The following PRR14 variants were observed in gnomAD, a reference collection of about 807,000 sequenced individuals.
PRR14 encodes proline-rich protein 14.
PRR14 carries 33 observed loss-of-function variants against 57.2 expected under a neutral mutation model. The observed-to-expected ratio is 0.58, with a 90% CI of 0.44 to 0.77. PRR14 has a LOEUF of 0.77. Among genes scored for constraint, PRR14 ranks in the 30% least tolerant of loss-of-function variants. PRR14 has a pLI of 0.00. For missense variants in PRR14, 716 were observed against 788.1 expected, an observed-to-expected ratio of 0.91 and a Z score of 1.10; for synonymous variants, 303 against 314.7, an observed-to-expected ratio of 0.96 and a Z score of 0.39.
rs760726264 is a variant in PRR14, at chr16:30,655,671, C to T, written c.1406+78C>T. On this transcript the variant is annotated intron_variant, in intron 10 of 11. Coordinates refer to ENST00000300835, the MANE Select transcript of PRR14 (RefSeq NM_024031.5). The surrounding 1 kb of genome is among the most constrained non-coding windows in gnomAD (Gnocchi z 4.6). The stretch of plus-strand genomic sequence containing the variant: ...TGTCCCCTGAAGTATAGCTTTGTCT[C>T]CCCTCAGGGAGCACAGTCCAGCCTG... 1.1e-5 allele frequency: 15 copies of T among 1,421,820 alleles called. No homozygotes were observed. In the African/African-American group the frequency reaches 1.8e-4, roughly 17 times the overall value. 88.1% of individuals were successfully genotyped at this position (1,421,820 alleles called of 1,614,324 possible).
rs2151256891 is a variant in PRR14 at position 30,651,406 on chromosome 16, G to C, written c.-50-190G>C. 1 of 483,500 alleles carries C rather than the reference G, an allele frequency of 2.1e-6. No individual in the cohort carries two copies. 30.0% of individuals were successfully genotyped at this position (483,500 alleles called of 1,614,324 possible). ...TGGCGGCAGGTGCCAGGCAGGGCGC[G>C]AGTGATCCGCTGATCGAGGCGGTGG... On this transcript the variant is annotated intron_variant, in intron 1 of 11. Transcript: ENST00000300835. This position sits in a 1 kb window ranked among gnomAD's most constrained non-coding sequence, Gnocchi z 5.0.
Position 30,655,033 on chromosome 16 carries a change from A to G in PRR14, c.1063A>G (p.Ser355Gly). The G allele has an allele frequency of 6.2e-7, 1 of 1,610,332 alleles. No individual in the cohort carries two copies. The highest frequency in any genetic ancestry group is 8.5e-7 in the Non-Finnish European group (1 of 1,179,686). ...CTGGCCACCTGCTCCACCCCAACCA[A>G]GCCGACCACGGCCGCGGCGGCACAC... The part of the protein sequence containing the change: ...CTWPPAPPQP[S>G]RPRPRRHTVG... Residue 355 changes from serine to glycine, a missense_variant, in exon 8 of 12, where the codon AGC (serine) becomes GGC (glycine). Physicochemically the swap from Ser to Gly is moderately conservative, Grantham distance 56. Transcript: ENST00000300835. The surrounding 1 kb of genome is among the most constrained non-coding windows in gnomAD (Gnocchi z 4.6).
chr16:30,654,847 C>G lies in PRR14; in HGVS notation c.877C>G (p.Gln293Glu), dbSNP rs1342338953. The stretch of plus-strand genomic sequence containing the variant: ...GAAGATCGCCATCTCAGAGGCCGAG[C>G]AGTCTGGGGCTGCTGAGGGCACTGC... ...ELKIAISEAE[Q>E]SGAAEGTASV... The change falls in exon 8 of 12, where the codon CAG becomes GAG. Residue 293 changes from glutamine to glutamate, a missense_variant. By Grantham distance (29) the Gln-to-Glu change is conservative. Coordinates refer to ENST00000300835, the MANE Select transcript of PRR14 (RefSeq NM_024031.5). 2 of 1,607,058 alleles carry G rather than the reference C, an allele frequency of 1.2e-6. No homozygotes were observed.
rs1184875224 is a variant in PRR14, at chr16:30,654,883, C to T, written c.913C>T (p.Pro305Ser). Residue 305 changes from proline to serine, a missense_variant, in exon 8 of 12, where the codon CCC (proline) becomes TCC (serine). Transcript: ENST00000300835. The stretch of plus-strand genomic sequence containing the variant: ...TGCTGAGGGCACTGCGTCTGTCAGC[C>T]CCCGGCCCCCAATCCGCCAGTGGCG... ...GAAEGTASVSPRPPIRQWRTQ... is the reference protein window; with the variant it reads ...GAAEGTASVSSRPPIRQWRTQ... 6 of 1,610,886 alleles carry T rather than the reference C, an allele frequency of 3.7e-6. 1 individual carries two copies. Among genetic ancestry groups the T allele is most frequent in the African/African-American group, 2.7e-5 (2 of 74,812 alleles).
chr16:30,654,774 C>T lies in PRR14; in HGVS notation c.804C>T (p.Asn268=), dbSNP rs1012627057. 5 of 1,612,258 alleles carry T rather than the reference C, an allele frequency of 3.1e-6. No individual in the cohort carries two copies. The highest frequency in any genetic ancestry group is 3.4e-6 in the Non-Finnish European group (4 of 1,179,326). ...ESFADIFLTP[N]KTPQPPPPSP... ...TTGCTGACATCTTCCTCACGCCCAACAAAACCCCACAGCCCCCACCCCCGT... is the reference window on the plus strand; with the variant it reads ...TTGCTGACATCTTCCTCACGCCCAATAAAACCCCACAGCCCCCACCCCCGT... The change falls in exon 8 of 12, where the codon AAC becomes AAT. Residue 268 remains asparagine (N), a synonymous_variant. Coordinates refer to ENST00000300835, the MANE Select transcript of PRR14 (RefSeq NM_024031.5).
At position 30,651,549 on chromosome 16, in the gene PRR14, A is replaced by T; in HGVS notation, c.-50-47A>T. On this transcript the variant is annotated intron_variant, in intron 1 of 11. Transcript: ENST00000300835. The surrounding 1 kb of genome is among the most constrained non-coding windows in gnomAD (Gnocchi z 5.0). ...ACCATGAAGGGCGGAGCCCCAGGGA[A>T]GGGGCCGGCCCTCACCCCCCGCTCC... is the stretch of plus-strand genomic sequence containing the variant. 1 of 766,936 alleles carries T rather than the reference A, an allele frequency of 1.3e-6. No homozygotes were observed. Among genetic ancestry groups the T allele is most frequent in the Non-Finnish European group, 2.0e-6 (1 of 507,692 alleles). 47.5% of individuals were successfully genotyped at this position (766,936 alleles called of 1,614,324 possible).
Position 30,656,159 on chromosome 16 carries a change from C to T in PRR14, c.1606C>T (p.Arg536Cys), listed in dbSNP as rs2052370247. The change falls in exon 12 of 12, where the codon CGT (arginine) becomes TGT (cysteine). Residue 536 changes from arginine (R) to cysteine (C), a missense_variant. Coordinates refer to ENST00000300835, the MANE Select transcript of PRR14 (RefSeq NM_024031.5). Reference protein sequence around the residue: ...SSLPRSRRPSRGVRAAGGRTV... With the variant: ...SSLPRSRRPSCGVRAAGGRTV... The stretch of plus-strand genomic sequence containing the variant: ...CCTTCCTCGATCACGAAGACCGTCC[C>T]GTGGGGTCCGGGCTGCAGGGGGCAG... 3.8e-6 allele frequency: 6 copies of T among 1,594,996 alleles called. No individual in the cohort carries two copies. Among genetic ancestry groups the T allele is most frequent in the Non-Finnish European group, 5.1e-6 (6 of 1,172,310 alleles).
chr16:30,652,112 T>G, intron 3 of PRR14, 148 bp downstream of exon 3: 1 of 901,722 alleles, frequency 1.1e-6, no homozygotes, highest in Non-Finnish European at 1.6e-6. Flanking sequence ...GGTAGAGTCC[T>G]GCTTGGCTCC....
Position 30,654,783 on chromosome 16 carries a change from ACAGCCCCCACCC to A in PRR14, c.815_826del (p.Gln272_Pro275del). Reference sequence around the variant, plus strand: ...TCTTCCTCACGCCCAACAAAACCCCACAGCCCCCACCCCCGTCCCCCCCAATGAAGCTGGAGT... The same window carrying A: ...TCTTCCTCACGCCCAACAAAACCCCACCGTCCCCCCCAATGAAGCTGGAGT... On this transcript the variant is annotated inframe_deletion, in exon 8 of 12. Transcript: ENST00000300835. 26 of 884,460 alleles carry A rather than the reference ACAGCCCCCACCC, an allele frequency of 2.9e-5. No homozygotes were observed. The highest frequency in any genetic ancestry group is 4.1e-5 in the Non-Finnish European group (24 of 587,130). The allele number at this position is 884,460 out of a possible 1,614,324, so 54.8% of individuals were successfully genotyped here. A position where few individuals can be genotyped will look rare whatever the true frequency, so the allele number is the denominator to read the frequency against.
chr16:30,654,803 C>T lies in PRR14; in HGVS notation c.833C>T (p.Pro278Leu). ...NKTPQPPPPSPPMKLELKIAI... is the reference protein window; with the variant it reads ...NKTPQPPPPSLPMKLELKIAI... ...ACCCCACAGCCCCCACCCCCGTCCC[C>T]CCCAATGAAGCTGGAGTTGAAGATC... Residue 278 changes from proline (P) to leucine (L), a missense_variant, in exon 8 of 12, where the codon CCC becomes CTC. Coordinates refer to ENST00000300835, the MANE Select transcript of PRR14 (RefSeq NM_024031.5). 1 of 1,601,690 alleles carries T rather than the reference C, an allele frequency of 6.2e-7. No individual in the cohort carries two copies. Among genetic ancestry groups the T allele is most frequent in the Non-Finnish European group, 8.5e-7 (1 of 1,171,940 alleles).
In PRR14 at chr16:30,650,976, G is replaced by A. The variant is rs1429281554; in HGVS notation, c.-202G>A. ...GGACCTCCCGGGATTGGAGTGAAGAGGGTATCTGCTTGACAGTGGATCCCT... is the reference window on the plus strand; with the variant it reads ...GGACCTCCCGGGATTGGAGTGAAGAAGGTATCTGCTTGACAGTGGATCCCT... On this transcript the variant is annotated 5_prime_UTR_variant, in exon 1 of 12. Transcript: ENST00000300835. 2.4e-5 allele frequency: 11 copies of A among 454,168 alleles called. No individual in the cohort carries two copies. Among genetic ancestry groups the A allele is most frequent in the East Asian group, 7.0e-5 (1 of 14,350 alleles). The allele number at this position is 454,168 out of a possible 1,614,324, so 28.1% of individuals were successfully genotyped here. A position where few individuals can be genotyped will look rare whatever the true frequency, so the allele number is the denominator to read the frequency against.
chr16:30,651,830 C>A lies in PRR14; in HGVS notation c.58C>A (p.Leu20Met), dbSNP rs753310623. 176 of 1,607,414 alleles carry A rather than the reference C, an allele frequency of 1.1e-4. No individual in the cohort carries two copies. The highest frequency in any genetic ancestry group is 1.5e-4 in the Non-Finnish European group (173 of 1,179,784). ...CCAGCCGCGTCTGTGCCGCCAGCCTCTGACTCGAGCATTATGGGGAGCCAG... is the reference window on the plus strand; with the variant it reads ...CCAGCCGCGTCTGTGCCGCCAGCCTATGACTCGAGCATTATGGGGAGCCAG... ...PGQPRLCRQPLTRALWGARSP... is the reference protein window; with the variant it reads ...PGQPRLCRQPMTRALWGARSP... The change falls in exon 3 of 12, where the codon CTG (leucine) becomes ATG (methionine). Residue 20 changes from leucine to methionine, a missense_variant. Transcript: ENST00000300835. The surrounding 1 kb of genome is among the most constrained non-coding windows in gnomAD (Gnocchi z 5.0).
chr16:30,652,532 C>T, intron 3 of PRR14, 189 bp from the exon 4 acceptor site: 1 of 677,270 alleles, frequency 1.5e-6, no homozygotes, highest in Non-Finnish European at 2.5e-6. Flanking sequence ...AGGTCCTACA[C>T]CTGCAGTTTA....
chr16:30,653,064 G>A lies in PRR14; in HGVS notation c.465G>A (p.Val155=). 6.2e-7 allele frequency: 1 copy of A among 1,613,130 alleles called. No individual in the cohort carries two copies. Among genetic ancestry groups the A allele is most frequent in the Non-Finnish European group, 8.5e-7 (1 of 1,179,576 alleles). ...VDRAPQPTLV[V]MLEDIASPRP... ...GGGCCCCCCAGCCCACCCTGGTGGT[G>A]ATGCTGGAAGACATCGCCAGTCCTA... Residue 155 remains valine (V), a synonymous_variant, in exon 5 of 12, where the codon GTG becomes GTA. Transcript: ENST00000300835.
rs569181618 is a variant in PRR14, at chr16:30,652,260, T to C, written c.192+296T>C. The C allele has an allele frequency of 2.2e-5, 13 of 600,672 alleles. No individual in the cohort carries two copies. In the East Asian group the frequency reaches 4.3e-4, roughly 20 times the overall value. 37.2% of individuals were successfully genotyped at this position (600,672 alleles called of 1,614,324 possible). ...TTTTTTTTTTTTAGAGACAGGGTCTTGCTATGTTGCACAAGCTGGTCTCAA... is the reference window on the plus strand; with the variant it reads ...TTTTTTTTTTTTAGAGACAGGGTCTCGCTATGTTGCACAAGCTGGTCTCAA... On this transcript the variant is annotated intron_variant, in intron 3 of 11. Coordinates refer to ENST00000300835, the MANE Select transcript of PRR14 (RefSeq NM_024031.5).
chr16:30,653,263 T>TCC, intron 5 of PRR14, 102 bp from the exon 6 acceptor site: 1 of 1,446,514 alleles, frequency 6.9e-7, no homozygotes, highest in Non-Finnish European at 9.7e-7. Context: ...AAAACGTCTT[T>TCC]GGCGTGAACC....
chr16:30,653,258 GT>G, intron 5 of PRR14, 106 bp from the exon 6 acceptor site: 1 of 1,427,170 alleles, frequency 7.0e-7, no homozygotes, highest in Non-Finnish European at 9.8e-7. Context: ...ATATAAAAAC[GT>G]CTTTGGCGTG....
rs2052310803 is a variant in PRR14, at chr16:30,651,474, C to T, written c.-50-122C>T. 2 of 500,970 alleles carry T rather than the reference C, an allele frequency of 4.0e-6. No individual in the cohort carries two copies. Among genetic ancestry groups the T allele is most frequent in the African/African-American group, 4.1e-5 (2 of 48,870 alleles). 31.0% of individuals were successfully genotyped at this position (500,970 alleles called of 1,614,324 possible). A position where few individuals can be genotyped will look rare whatever the true frequency, so the allele number is the denominator to read the frequency against. On this transcript the variant is annotated intron_variant, in intron 1 of 11. Transcript: ENST00000300835. The surrounding 1 kb of genome is among the most constrained non-coding windows in gnomAD (Gnocchi z 5.0). ...CTCCGGGCGACCGGCCGGGGGCGCC[C>T]TTTCGCGCCCCAGGGCTGCGGCCGC...
In PRR14 at chr16:30,656,348, G is replaced by T; in HGVS notation, c.*37G>T. The stretch of plus-strand genomic sequence containing the variant: ...GTTGGTCATCCATCCTGAAGGGACA[G>T]GAAACCTCCCAGGCAGTTATTTTTT... On this transcript the variant is annotated 3_prime_UTR_variant, in exon 12 of 12. Transcript: ENST00000300835. 6.4e-7 allele frequency: 1 copy of T among 1,560,708 alleles called. No individual in the cohort carries two copies.
Sources: gnomAD v4.1 joint callset for allele counts on GRCh38, gnomAD v4.1.1 for gene constraint, Gnocchi (gnomAD v3.1) non-coding constraint, MANE v1.5 for transcripts, NCBI Gene and HGNC (gene_info 2026-07-23, HGNC 2026-07-21) for gene names.